KIF20B: variants seen among roughly 807,000 people sequenced by gnomAD.
The protein encoded by KIF20B is kinesin-like protein KIF20B.
Under a neutral mutation model 232.5 loss-of-function variants are expected in KIF20B, and 188 were observed. That is an observed-to-expected ratio of 0.81 (90% CI 0.72 to 0.91). The LOEUF (loss-of-function observed/expected upper bound fraction) is 0.91. Ranked by LOEUF, KIF20B falls within the 40% of genes least tolerant of loss-of-function variation. The pLI, the probability that KIF20B is intolerant of heterozygous loss-of-function variation, is 0.00. For synonymous variants in KIF20B, 712 were observed against 683.0 expected, an observed-to-expected ratio of 1.04 and a Z score of -0.66; for missense variants, 2,154 against 2,055.9, an observed-to-expected ratio of 1.05 and a Z score of -0.92.
Position 89,717,507 on chromosome 10 carries a change from A to G in KIF20B, c.1124+12A>G, listed in dbSNP as rs1564659555. ...ATTCGAGTCAGTGAGTAAGTTGAAT[A>G]TTCTTTAAATTTAATTATTTGTAAT... On this transcript the variant is annotated intron_variant, in intron 10 of 32. Transcript: ENST00000371728. 5.0e-6 allele frequency: 8 copies of G among 1,585,478 alleles called. No homozygotes were observed. The highest frequency in any genetic ancestry group is 1.1e-5 in the South Asian group (1 of 88,568).
chr10:89,753,199 A>G (rs760179948), intron 25 of KIF20B, among the ~76,000 whole-genome samples: 5 of 151,906 alleles, frequency 3.3e-5, no homozygotes, highest in Non-Finnish European at 7.4e-5. Context: ...TATGGGGGAA[A>G]CTTTTTTTTT....
chr10:89,729,712 A>G (rs1843277102), intron 18 of KIF20B, among the ~76,000 whole-genome samples: 1 of 152,216 alleles, frequency 6.6e-6, no homozygotes, highest in African/African-American at 2.4e-5. Context: ...TTTTTTCTAA[A>G]AAGTTATACA....
At position 89,717,154 on chromosome 10, in the gene KIF20B, C is replaced by T. The variant is rs565550719; in HGVS notation, c.1053-270C>T. 7.9e-5 allele frequency among the ~76,000 whole-genome samples: 12 copies of T among 152,120 alleles called. 1 individual carries two copies. The highest frequency in any genetic ancestry group is 2.0e-4 in the Admixed American group (3 of 15,262). On this transcript the variant is annotated intron_variant, in intron 9 of 32. Transcript: ENST00000371728. ...AATATTATCTTTTCAAACAAAATGT[C>T]GCTTTATTATAAATGATACTATTAA...
In KIF20B at chr10:89,717,576, ATTATCT is replaced by A. The variant is rs754745441; in HGVS notation, c.1130_1135del (p.Ser377_Leu378del). The A allele has an allele frequency of 6.2e-7, 1 of 1,604,288 alleles. No individual in the cohort carries two copies. The highest frequency in any genetic ancestry group is 8.5e-7 in the Non-Finnish European group (1 of 1,175,830). Reference sequence around the variant, plus strand: ...AAGTACTTTTTTTTTCTTAATTCAGATTATCTTTATGTGATCTTGCTGGTTCAGAAC... The same window carrying A: ...AAGTACTTTTTTTTTCTTAATTCAGATTATGTGATCTTGCTGGTTCAGAAC... On this transcript the variant is annotated inframe_deletion and splice_region_variant, in exon 11 of 33. Coordinates refer to ENST00000371728, the MANE Select transcript of KIF20B (RefSeq NM_001284259.2).
intron 29 of KIF20B, among the ~76,000 whole-genome samples, chr10:89,765,547 T>C (rs898587763): frequency 1.3e-5 from 2 of 152,044 alleles, no homozygotes; most frequent in African/African-American, 4.8e-5. Context: ...TTAAAGTTCA[T>C]ATGGAACCAA....
chr10:89,711,409 T>C (rs944953632), intron 6 of KIF20B, among the ~76,000 whole-genome samples: 1 of 152,202 alleles, frequency 6.6e-6, no homozygotes, highest in African/African-American at 2.4e-5. Flanking sequence ...GTGCTTTTTA[T>C]GTAATGATTT....
At chr10:89,711,287 TTA>T (rs1842833382) in intron 6 of KIF20B, 142 bp downstream of exon 6, 1 of 484,522 alleles carries the variant, frequency 2.1e-6, no homozygotes, top group African/African-American at 2.0e-5. Flanking sequence ...AAAATAAAGC[TTA>T]AAGTGTGAAG....
intron 11 of KIF20B, among the ~76,000 whole-genome samples, chr10:89,717,926 A>G (rs1389483726): frequency 6.6e-6 from 1 of 152,204 alleles, no homozygotes; most frequent in East Asian, 1.9e-4. Context: ...CTCATCAGGT[A>G]AAGTCAGTAT....
intron 20 of KIF20B, 79 bp downstream of exon 20, chr10:89,738,696 G>A (rs1226831179): frequency 4.8e-6 from 7 of 1,444,710 alleles, no homozygotes; most frequent in Admixed American, 2.8e-5. Flanking sequence ...AAGTTAGATA[G>A]TCATACTTAA....
Position 89,717,510 on chromosome 10 carries a change from C to A in KIF20B, c.1124+15C>A, listed in dbSNP as rs757418454. 6.3e-6 allele frequency: 10 copies of A among 1,584,638 alleles called. No homozygotes were observed. The highest frequency in any genetic ancestry group is 8.6e-6 in the Non-Finnish European group (10 of 1,160,322). On this transcript the variant is annotated intron_variant, in intron 10 of 32. Coordinates refer to ENST00000371728, the MANE Select transcript of KIF20B (RefSeq NM_001284259.2). ...CGAGTCAGTGAGTAAGTTGAATATT[C>A]TTTAAATTTAATTATTTGTAATTGT...
intron 26 of KIF20B, among the ~76,000 whole-genome samples, chr10:89,755,692 A>G (rs374917647): frequency 1.3e-5 from 2 of 151,960 alleles, no homozygotes; most frequent in East Asian, 1.9e-4. Flanking sequence ...CTTCAGGGCA[A>G]AAGCAATCTT....
chr10:89,747,367 C>T, intron 23 of KIF20B, among the ~76,000 whole-genome samples: 1 of 151,900 alleles, frequency 6.6e-6, no homozygotes, highest in Non-Finnish European at 1.5e-5. Context: ...ACCATTTGAC[C>T]CAGCCATTCC....
chr10:89,749,249 A>G (rs1278547920), intron 23 of KIF20B, among the ~76,000 whole-genome samples: 4 of 152,178 alleles, frequency 2.6e-5, no homozygotes, highest in African/African-American at 7.2e-5. Context: ...ACATTTCCCT[A>G]CAAATAGACA....
At chr10:89,703,268 C>CT (rs1842650511) in intron 1 of KIF20B, among the ~76,000 whole-genome samples, 1 of 152,052 alleles carries the variant, frequency 6.6e-6, no homozygotes, top group Non-Finnish European at 1.5e-5. Context: ...TTTCCTTAGT[C>CT]TTTTTGCAAT....
At chr10:89,743,694 T>G (rs1267043302) in intron 21 of KIF20B, 114 bp from the exon 22 acceptor site, 9 of 613,596 alleles carry the variant, frequency 1.5e-5, no homozygotes, top group Non-Finnish European at 1.8e-5. Flanking sequence ...GTCATTTTTC[T>G]TTTAGGCTGT....
rs1843355765 is a variant in KIF20B, at chr10:89,732,822, A to T, written c.2392-81A>T. ...TTTGAAAATAAAATTTTTATGGTAC[A>T]CCATTGAAAGTAATTTATGTGATTT... On this transcript the variant is annotated intron_variant, in intron 18 of 32. Coordinates refer to ENST00000371728, the MANE Select transcript of KIF20B (RefSeq NM_001284259.2). 3.3e-6 allele frequency: 4 copies of T among 1,230,754 alleles called. No individual in the cohort carries two copies. The South Asian group carries it at 7.7e-5, about 24-fold the overall frequency. 76.2% of individuals were successfully genotyped at this position (1,230,754 alleles called of 1,614,324 possible). A position where few individuals can be genotyped will look rare whatever the true frequency, so the allele number is the denominator to read the frequency against.
At chr10:89,758,922 A>G in intron 27 of KIF20B, 40 bp downstream of exon 27, 2 of 1,245,052 alleles carry the variant, frequency 1.6e-6, no homozygotes, top group Non-Finnish European at 1.1e-6. Flanking sequence ...AATTGAACAT[A>G]GTAATTACTT....
chr10:89,711,252 T>C, intron 6 of KIF20B, 107 bp downstream of exon 6: 1 of 634,906 alleles, frequency 1.6e-6, no homozygotes, highest in Non-Finnish European at 2.4e-6. Flanking sequence ...GGTAGTGTTT[T>C]TTGTTATTAT....
At chr10:89,758,310 T>A (rs1199971435) in intron 26 of KIF20B, among the ~76,000 whole-genome samples, 1 of 152,062 alleles carries the variant, frequency 6.6e-6, no homozygotes, top group Non-Finnish European at 1.5e-5. Context: ...TTATCAGTAT[T>A]TCATGATTTT....
Sources: allele counts gnomAD v4.1 joint callset (sites outside exome capture counted in the v4.1 genomes callset), GRCh38; gene constraint gnomAD v4.1.1; transcripts MANE v1.5; gene names NCBI Gene and HGNC (gene_info 2026-07-23, HGNC 2026-07-21).